Variants in PTPRF observed in about 807,000 individuals in gnomAD.
PTPRF encodes the protein receptor-type tyrosine-protein phosphatase F.
A neutral mutation model predicts 201.8 loss-of-function variants in PTPRF; 59 were observed. The observed-to-expected ratio is 0.29, with a 90% confidence interval of 0.24 to 0.36. The LOEUF is 0.36. Ranked by LOEUF, PTPRF falls within the 10% of genes least tolerant of loss-of-function variation. The pLI, the probability that PTPRF is intolerant of heterozygous loss-of-function variation, is 1.00. For missense variants in PTPRF, 2,132 were observed against 2,690.5 expected (o/e 0.79, Z 4.59); for synonymous variants, 1,088 against 1,089.7 (o/e 1.00, Z 0.03).
chr1:43,565,152 C>T (rs754890836), intron 5 of PTPRF, among the ~76,000 whole-genome samples: 2 of 152,184 alleles, frequency 1.3e-5, no homozygotes, highest in African/African-American at 2.4e-5. Flanking sequence ...TTGAATCTCC[C>T]TCCTCCAGGA....
At chr1:43,605,753 C>T (rs1418792775) in intron 19 of PTPRF, 131 bp downstream of exon 19, 13 of 879,838 alleles carry the variant, frequency 1.5e-5, no homozygotes, top group Non-Finnish European at 2.4e-5. Context: ...TGGCTGGCAG[C>T]CCGCCCCTCT....
At chr1:43,611,156 C>T (rs1457670218) in intron 22 of PTPRF, among the ~76,000 whole-genome samples, 1 of 152,208 alleles carries the variant, frequency 6.6e-6, no homozygotes, top group Non-Finnish European at 1.5e-5. Flanking sequence ...TTCAGGTGGC[C>T]TGGGCTTCCT....
chr1:43,556,333 C>T (rs1363234617), intron 5 of PTPRF, among the ~76,000 whole-genome samples: 1 of 150,362 alleles, frequency 6.7e-6, no homozygotes. Context: ...GAGATCTCGG[C>T]TCACTGCAAC....
chr1:43,601,738 C>G (rs1415937388), intron 13 of PTPRF, among the ~76,000 whole-genome samples: 2 of 152,202 alleles, frequency 1.3e-5, no homozygotes, highest in Admixed American at 1.3e-4. Flanking sequence ...TGTCTGGCAG[C>G]CTCTCCCTCC....
At chr1:43,580,590 G>A (rs1208510635) in intron 7 of PTPRF, among the ~76,000 whole-genome samples, 3 of 152,242 alleles carry the variant, frequency 2.0e-5, no homozygotes, top group Non-Finnish European at 2.9e-5. Flanking sequence ...TGGCCTAGAG[G>A]AGTGGAGTTG....
Position 43,569,711 on chromosome 1 carries a change from T to G in PTPRF, c.501T>G (p.Ser167=). 6.2e-7 allele frequency: 1 copy of G among 1,614,086 alleles called. No individual in the cohort carries two copies. Among genetic ancestry groups the G allele is most frequent in the Non-Finnish European group, 8.5e-7 (1 of 1,179,962 alleles). Residue 167 remains serine, a synonymous_variant, in exon 6 of 34, where the codon TCT becomes TCG. Transcript: ENST00000359947. ...GCGGAAATCCAGACCCTGAGATTTC[T>G]TGGTTCAAGGACTTCCTTCCTGTAG... ...AAGGNPDPEI[S]WFKDFLPVDP...
At chr1:43,566,472 T>C (rs898746467) in intron 5 of PTPRF, among the ~76,000 whole-genome samples, 1 of 152,226 alleles carries the variant, frequency 6.6e-6, no homozygotes, top group Admixed American at 6.5e-5. Context: ...ATCTGAGGAG[T>C]TGCCCAGGTC....
At chr1:43,565,912 A>G (rs553940754) in intron 5 of PTPRF, among the ~76,000 whole-genome samples, 17 of 152,288 alleles carry the variant, frequency 1.1e-4, no homozygotes, top group African/African-American at 3.6e-4. Flanking sequence ...CGCCATGGCT[A>G]CCGGCTGGCC....
intron 22 of PTPRF, among the ~76,000 whole-genome samples, chr1:43,610,572 C>T (rs1348354965): frequency 6.6e-6 from 1 of 152,232 alleles, no homozygotes; most frequent in Non-Finnish European, 1.5e-5. Flanking sequence ...CAGCCCACCA[C>T]CTGTTTTTGT....
At chr1:43,526,868 C>T (rs1643137731), upstream of PTPRF, among the ~76,000 whole-genome samples, 1 of 152,210 alleles carries the variant, frequency 6.6e-6, no homozygotes, top group Non-Finnish European at 1.5e-5. Flanking sequence ...GCAACAGCAG[C>T]AGCAGCAGCC....
chr1:43,592,489 C>T lies in PTPRF; in HGVS notation c.1701C>T (p.Tyr567=), dbSNP rs746786598. Residue 567 remains tyrosine (Y), a synonymous_variant, in exon 11 of 34, where the codon TAC becomes TAT. Coordinates refer to ENST00000359947, the MANE Select transcript of PTPRF (RefSeq NM_002840.5). ...TGACCTTCGACCCAACCTCCTCCTA[C>T]ACACTAGAGGACCTGAAGCCTGACA... ...HKVTFDPTSS[Y]TLEDLKPDTL... The T allele has an allele frequency of 6.2e-6, 10 of 1,612,904 alleles. No individual in the cohort carries two copies. Among genetic ancestry groups the T allele is most frequent in the South Asian group, 4.4e-5 (4 of 90,916 alleles).
chr1:43,526,725 G>A (rs949934531), upstream of PTPRF, among the ~76,000 whole-genome samples: 3 of 152,188 alleles, frequency 2.0e-5, no homozygotes, highest in African/African-American at 7.2e-5. Context: ...GGGGGCCTGT[G>A]GGAGAGGTCC....
chr1:43,589,459 C>A (rs965779287), intron 8 of PTPRF, among the ~76,000 whole-genome samples: 1 of 151,904 alleles, frequency 6.6e-6, no homozygotes, highest in African/African-American at 2.4e-5. Flanking sequence ...GGTTTAATAG[C>A]CTCCCAGCAA....
intron 11 of PTPRF, among the ~76,000 whole-genome samples, 192 bp from the exon 12 acceptor site, chr1:43,597,556 G>A (rs1652652638): frequency 6.6e-6 from 1 of 152,148 alleles, no homozygotes; most frequent in African/African-American, 2.4e-5. Flanking sequence ...GAGAGAGAGG[G>A]AGGCAGGTCA....
chr1:43,560,540 C>T (rs1162837224), intron 5 of PTPRF, among the ~76,000 whole-genome samples: 1 of 152,112 alleles, frequency 6.6e-6, no homozygotes, highest in East Asian at 1.9e-4. Flanking sequence ...GAGTGGGCAG[C>T]AAGCAGCCCG....
chr1:43,583,946 C>T (rs1372555960), intron 7 of PTPRF, among the ~76,000 whole-genome samples: 2 of 152,208 alleles, frequency 1.3e-5, no homozygotes, highest in Admixed American at 1.3e-4. Flanking sequence ...TTGCTTCTAC[C>T]TGGAGTAACT....
chr1:43,585,881 G>A (rs568937188), intron 7 of PTPRF, among the ~76,000 whole-genome samples: 1 of 152,216 alleles, frequency 6.6e-6, no homozygotes. Context: ...TTCCACCACC[G>A]ACTGGGGTCA....
At chr1:43,591,620 C>A in intron 9 of PTPRF, 67 bp downstream of exon 9, 1 of 1,477,000 alleles carries the variant, frequency 6.8e-7, no homozygotes, top group East Asian at 2.5e-5. Context: ...GTGGCGGTGC[C>A]TTTCCCCCTC....
intron 7 of PTPRF, among the ~76,000 whole-genome samples, chr1:43,584,680 A>G (rs180917100): frequency 6.4e-4 from 97 of 152,306 alleles, no homozygotes; most frequent in Admixed American, 1.3e-3. Flanking sequence ...TGATAATTGC[A>G]TCTTACATTT....
Sources: gnomAD v4.1 joint callset for allele counts (sites outside exome capture counted in the v4.1 genomes callset) on GRCh38, gnomAD v4.1.1 for gene constraint, MANE v1.5 for transcripts, NCBI Gene and HGNC (gene_info 2026-07-23, HGNC 2026-07-21) for gene names.